GPR6: variants seen among roughly 807,000 people sequenced by gnomAD.
GPR6 encodes G protein-coupled receptor 6, also known as sphingosine 1-phosphate receptor GPR6.
Under a neutral mutation model 18.5 loss-of-function variants are expected in GPR6, and 14 were observed. The ratio of observed to expected loss-of-function variants is 0.76; its 90% CI spans 0.50 to 1.18. The LOEUF (loss-of-function observed/expected upper bound fraction) is 1.18, where lower values mean the gene tolerates loss of function less well. Among genes scored for constraint, GPR6 ranks in the 50% most tolerant of loss-of-function variants. The pLI is 0.00. For synonymous variants in GPR6, 299 were observed against 240.9 expected (o/e 1.24, Z -2.23); for missense variants, 477 against 495.9 (o/e 0.96, Z 0.36).
intron 1 of GPR6, 60 bp from the exon 2 acceptor site, chr6:109,979,035 G>C (rs1192968850): frequency 1.3e-6 from 2 of 1,536,570 alleles, no homozygotes; most frequent in Non-Finnish European, 1.7e-6. Flanking sequence ...CTCTACGCGT[G>C]GGGAAGTTTC....
chr6:109,979,443 G>T lies in GPR6; in HGVS notation c.331G>T (p.Val111Leu). Residue 111 changes from valine (V) to leucine (L), a missense_variant, in exon 2 of 2, where the codon GTA becomes TTA. Coordinates refer to ENST00000275169, the MANE Select transcript of GPR6 (RefSeq NM_005284.5). ...GCTGCGCACGCCCATGTTCGTGCTG[G>T]TAGGCAGCCTGGCCACCGCTGACCT... Reference protein sequence around the residue: ...PALRTPMFVLVGSLATADLLA... With the variant: ...PALRTPMFVLLGSLATADLLA... The T allele has an allele frequency of 6.2e-7, 1 of 1,613,326 alleles. No homozygotes were observed.
rs199868747 is a variant in GPR6, at chr6:109,980,175, C to T, written c.1063C>T (p.Arg355Cys). ...CGCFQSKVPF[R>C]SRSPSEV ...CTGTTTCCAGTCCAAAGTGCCCTTT[C>T]GTTCCAGGTCTCCCAGCGAGGTCTG... is the stretch of plus-strand genomic sequence containing the variant. Residue 355 changes from arginine (R) to cysteine (C), a missense_variant, in exon 2 of 2, where the codon CGT (arginine) becomes TGT (cysteine). Physicochemically the swap from Arg to Cys is radical, Grantham distance 180. Transcript: ENST00000275169. 127 of 1,614,248 alleles carry T rather than the reference C, an allele frequency of 7.9e-5. No individual in the cohort carries two copies. In the East Asian group the frequency reaches 2.4e-3, roughly 30 times the overall value.
chr6:109,978,718 C>T, intron 1 of GPR6: 3 of 1,534,174 alleles, frequency 2.0e-6, no homozygotes, highest in African/African-American at 2.7e-5. Flanking sequence ...TCTCTGCTGC[C>T]CAGCCCCATG....
chr6:109,979,571 C>T lies in GPR6; in HGVS notation c.459C>T (p.Ala153=). The change falls in exon 2 of 2, where the codon GCC becomes GCT. Residue 153 remains alanine (A), a synonymous_variant. Coordinates refer to ENST00000275169, the MANE Select transcript of GPR6 (RefSeq NM_005284.5). ...LTVGFLVASF[A]ASVSSLLAIT... is the part of the protein sequence containing the mutation. ...TGGGCTTCCTCGTGGCCTCCTTCGC[C>T]GCCTCTGTCAGCAGCCTGCTGGCCA... is the stretch of plus-strand genomic sequence containing the variant. 2 of 1,612,740 alleles carry T rather than the reference C, an allele frequency of 1.2e-6. 1 individual carries two copies. Among genetic ancestry groups the T allele is most frequent in the Non-Finnish European group, 1.7e-6 (2 of 1,180,022 alleles).
At position 109,978,421 on chromosome 6, in the gene GPR6, G is replaced by A. The variant is rs1770991761; in HGVS notation, c.-65G>A. The A allele has an allele frequency of 7.6e-6, 2 of 262,594 alleles. No individual in the cohort carries two copies. The highest frequency in any genetic ancestry group is 6.8e-5 in the East Asian group (1 of 14,696). 16.3% of individuals were successfully genotyped at this position (262,594 alleles called of 1,614,324 possible). The stretch of plus-strand genomic sequence containing the variant: ...CGCGGGGAGCTCAGCCCGGCGCCCC[G>A]CCTCGGCGCCCATGACCAGCGACTT... On this transcript the variant is annotated 5_prime_UTR_variant, in exon 1 of 2. Transcript: ENST00000275169.
At chr6:109,978,715 T>C in intron 1 of GPR6, 5 of 1,532,752 alleles carry the variant, frequency 3.3e-6, no homozygotes, top group Non-Finnish European at 4.4e-6. Flanking sequence ...GCGTCTCTGC[T>C]GCCCAGCCCC....
chr6:109,978,965 G>A, intron 1 of GPR6, 130 bp from the exon 2 acceptor site: 1 of 1,530,352 alleles, frequency 6.5e-7, no homozygotes, highest in Non-Finnish European at 8.8e-7. Flanking sequence ...ATGATTCCCC[G>A]ATTTGCTCTG....
In GPR6 at chr6:109,979,593, G is replaced by A. The variant is rs752104435; in HGVS notation, c.481G>A (p.Ala161Thr). 1.2e-6 allele frequency: 2 copies of A among 1,612,634 alleles called. No homozygotes were observed. Among genetic ancestry groups the A allele is most frequent in the East Asian group, 4.5e-5 (2 of 44,862 alleles). ...SFAASVSSLL[A>T]ITVDRYLSLY... ...CGCCGCCTCTGTCAGCAGCCTGCTG[G>A]CCATTACGGTGGACCGCTACCTGTC... is the stretch of plus-strand genomic sequence containing the variant. Residue 161 changes from alanine to threonine, a missense_variant, in exon 2 of 2, where the codon GCC (alanine) becomes ACC (threonine). Ala to Thr is a moderately conservative substitution (Grantham distance 58). Coordinates refer to ENST00000275169, the MANE Select transcript of GPR6 (RefSeq NM_005284.5).
In GPR6 at chr6:109,979,917, C is replaced by T; in HGVS notation, c.805C>T (p.Pro269Ser). The T allele has an allele frequency of 3.1e-6, 5 of 1,612,458 alleles. No individual in the cohort carries two copies. Among genetic ancestry groups the T allele is most frequent in the Non-Finnish European group, 3.4e-6 (4 of 1,180,016 alleles). Residue 269 changes from proline (P) to serine (S), a missense_variant, in exon 2 of 2, where the codon CCC becomes TCC. Physicochemically the swap from Pro to Ser is moderately conservative, Grantham distance 74 (BLOSUM62 -1). Transcript: ENST00000275169. ...IALQQHCLAPPHLAATRKGVG... is the reference protein window; with the variant it reads ...IALQQHCLAPSHLAATRKGVG... Reference sequence around the variant, plus strand: ...GCTGCAGCAGCACTGCCTGGCGCCACCCCATCTCGCTGCCACCAGAAAGGG... The same window carrying T: ...GCTGCAGCAGCACTGCCTGGCGCCATCCCATCTCGCTGCCACCAGAAAGGG...
intron 1 of GPR6, 154 bp downstream of exon 1, chr6:109,978,621 C>G: frequency 1.2e-6 from 1 of 848,112 alleles, no homozygotes; most frequent in Non-Finnish European, 1.8e-6. Context: ...TCTCTCCTCC[C>G]AGACCCCCTT....
chr6:109,980,637 G>A lies in GPR6; in HGVS notation c.*436G>A, dbSNP rs554994833. ...AGGGAGTAAAAGGTGTATTTTTGTC[G>A]TATGTGATAGAATATTTTGCTGCAC... is the stretch of plus-strand genomic sequence containing the variant. On this transcript the variant is annotated 3_prime_UTR_variant, in exon 2 of 2. Coordinates refer to ENST00000275169, the MANE Select transcript of GPR6 (RefSeq NM_005284.5). 13 of 194,916 alleles carry A rather than the reference G, an allele frequency of 6.7e-5. No individual in the cohort carries two copies. The highest frequency in any genetic ancestry group is 2.1e-4 in the African/African-American group (9 of 41,864). The allele number at this position is 194,916 out of a possible 1,614,324, so 12.1% of individuals were successfully genotyped here.
chr6:109,979,852 G>T lies in GPR6; in HGVS notation c.740G>T (p.Arg247Leu). Residue 247 changes from arginine (R) to leucine (L), a missense_variant, in exon 2 of 2, where the codon CGC becomes CTC. Physicochemically the swap from Arg to Leu is moderately radical, Grantham distance 102. Transcript: ENST00000275169. Reference protein sequence around the residue: ...VFGIMLHLYVRICQVVWRHAH... With the variant: ...VFGIMLHLYVLICQVVWRHAH... ...GGCATCATGCTGCACCTGTACGTGC[G>T]CATCTGCCAGGTGGTCTGGCGCCAC... The T allele has an allele frequency of 6.2e-7, 1 of 1,608,286 alleles. No individual in the cohort carries two copies. The highest frequency in any genetic ancestry group is 8.5e-7 in the Non-Finnish European group (1 of 1,179,738).
chr6:109,980,228 A>G lies in GPR6; in HGVS notation c.*27A>G, dbSNP rs1771059265. The G allele has an allele frequency of 1.2e-6, 2 of 1,612,858 alleles. No homozygotes were observed. Among genetic ancestry groups the G allele is most frequent in the Non-Finnish European group, 1.7e-6 (2 of 1,179,706 alleles). Reference sequence around the variant, plus strand: ...GGGCTCGCCCCGTGTCCTCTCACCAACACCACACCCCAACAAGCCAGCCTT... The same window carrying G: ...GGGCTCGCCCCGTGTCCTCTCACCAGCACCACACCCCAACAAGCCAGCCTT... On this transcript the variant is annotated 3_prime_UTR_variant, in exon 2 of 2. Coordinates refer to ENST00000275169, the MANE Select transcript of GPR6 (RefSeq NM_005284.5).
rs751417321 is a variant in GPR6 at position 109,979,843 on chromosome 6, T to A, written c.731T>A (p.Leu244Gln). The A allele has an allele frequency of 6.2e-7, 1 of 1,607,742 alleles. No individual in the cohort carries two copies. The highest frequency in any genetic ancestry group is 2.2e-5 in the East Asian group (1 of 44,864). The change falls in exon 2 of 2, where the codon CTG (leucine) becomes CAG (glutamine). Residue 244 changes from leucine (L) to glutamine (Q), a missense_variant. By Grantham distance (113) the Leu-to-Gln change is moderately radical (BLOSUM62 -2). Coordinates refer to ENST00000275169, the MANE Select transcript of GPR6 (RefSeq NM_005284.5). ...ATGGTCTTCGGCATCATGCTGCACC[T>A]GTACGTGCGCATCTGCCAGGTGGTC... ...FFMVFGIMLH[L>Q]YVRICQVVWR...
At position 109,979,228 on chromosome 6, in the gene GPR6, C is replaced by T; in HGVS notation, c.116C>T (p.Pro39Leu). ...GGPDTGEWGPPAAAALGAGGG... is the reference protein window; with the variant it reads ...GGPDTGEWGPLAAAALGAGGG... ...CCGGACACGGGCGAATGGGGACCCC[C>T]TGCTGCGGCGGCTCTAGGAGCCGGC... is the stretch of plus-strand genomic sequence containing the variant. The change falls in exon 2 of 2, where the codon CCT (proline) becomes CTT (leucine). Residue 39 changes from proline (P) to leucine (L), a missense_variant. Pro to Leu is a moderately conservative substitution (Grantham distance 98, BLOSUM62 -3). Coordinates refer to ENST00000275169, the MANE Select transcript of GPR6 (RefSeq NM_005284.5). The T allele has an allele frequency of 6.2e-7, 1 of 1,605,210 alleles. No individual in the cohort carries two copies. The highest frequency in any genetic ancestry group is 8.5e-7 in the Non-Finnish European group (1 of 1,178,652).
Position 109,979,123 on chromosome 6 carries a change from G to A in GPR6, c.11G>A (p.Ser4Asn), listed in dbSNP as rs1163624920. Residue 4 changes from serine (S) to asparagine (N), a missense_variant, in exon 2 of 2, where the codon AGC (serine) becomes AAC (asparagine). Transcript: ENST00000275169. The part of the protein sequence containing the change: MNA[S>N]AASLNDSQVV... ...GCAAATCCGGCCGCGATGAACGCGA[G>A]CGCCGCCTCGCTCAACGACTCCCAG... The A allele has an allele frequency of 6.3e-7, 1 of 1,585,332 alleles. No individual in the cohort carries two copies. The highest frequency in any genetic ancestry group is 8.5e-7 in the Non-Finnish European group (1 of 1,174,026).
At chr6:109,978,906 T>C in intron 1 of GPR6, 189 bp from the exon 2 acceptor site, 1 of 1,519,338 alleles carries the variant, frequency 6.6e-7, no homozygotes, top group Non-Finnish European at 8.9e-7. Flanking sequence ...CGCGTGGGCA[T>C]TTCACTCACT....
Position 109,979,734 on chromosome 6 carries a change from A to T in GPR6, c.622A>T (p.Asn208Tyr). ...GLGLLPVLGW[N>Y]CLAERAACSV... is the part of the protein sequence containing the mutation. ...GGGGCTGCTGCCCGTGCTGGGCTGG[A>T]ACTGCCTGGCAGAGCGCGCCGCCTG... Residue 208 changes from asparagine to tyrosine, a missense_variant, in exon 2 of 2, where the codon AAC becomes TAC. Asn to Tyr is a moderately radical substitution (Grantham distance 143). Coordinates refer to ENST00000275169, the MANE Select transcript of GPR6 (RefSeq NM_005284.5). The T allele has an allele frequency of 1.2e-6, 2 of 1,604,516 alleles. No individual in the cohort carries two copies. Among genetic ancestry groups the T allele is most frequent in the Non-Finnish European group, 1.7e-6 (2 of 1,179,104 alleles).
rs756140835 is a variant in GPR6, at chr6:109,979,764, G to A, written c.652G>A (p.Val218Met). The change falls in exon 2 of 2, where the codon GTG (valine) becomes ATG (methionine). Residue 218 changes from valine (V) to methionine (M), a missense_variant. Coordinates refer to ENST00000275169, the MANE Select transcript of GPR6 (RefSeq NM_005284.5). Reference protein sequence around the residue: ...NCLAERAACSVVRPLARSHVA... With the variant: ...NCLAERAACSMVRPLARSHVA... ...CCTGGCAGAGCGCGCCGCCTGCAGC[G>A]TGGTGCGCCCGCTGGCGCGCAGCCA... The A allele has an allele frequency of 7.5e-6, 12 of 1,599,476 alleles. No individual in the cohort carries two copies. Among genetic ancestry groups the A allele is most frequent in the Non-Finnish European group, 9.3e-6 (11 of 1,177,270 alleles).
Sources: gnomAD v4.1 joint callset for allele counts on GRCh38, gnomAD v4.1.1 for gene constraint, MANE v1.5 for transcripts, NCBI Gene and HGNC (gene_info 2026-07-23, HGNC 2026-07-21) for gene names.